The following ZNF727 variants were observed in gnomAD, a reference collection of about 807,000 sequenced individuals.
ZNF727 encodes putative zinc finger protein 727.
In ZNF727, 11 loss-of-function variants were observed where a neutral mutation model predicts 11.5. The observed-to-expected ratio is 0.95, with a 90% CI of 0.60 to 1.58. The LOEUF is 1.58. Among genes scored for constraint, ZNF727 ranks in the 40% most tolerant of loss-of-function variants. The pLI, the probability that ZNF727 is intolerant of heterozygous loss-of-function variation, is 0.00. For synonymous variants in ZNF727, 171 were observed against 196.1 expected (o/e 0.87, Z 1.07); for missense variants, 533 against 581.7 (o/e 0.92, Z 0.86).
At chr7:64,051,770 A>G (rs1172942528) in intron 1 of ZNF727, among the ~76,000 whole-genome samples, 1 of 152,202 alleles carries the variant, frequency 6.6e-6, no homozygotes, top group African/African-American at 2.4e-5. Context: ...AAGTTAAAGT[A>G]TGTATTGTAA....
intron 1 of ZNF727, among the ~76,000 whole-genome samples, chr7:64,064,972 G>C (rs1461524775): frequency 6.6e-6 from 1 of 152,160 alleles, no homozygotes; most frequent in African/African-American, 2.4e-5. Flanking sequence ...ACCCTCTTCA[G>C]TGCCTCTTTC....
In ZNF727 at chr7:64,080,535, C is replaced by T. The variant is rs1481727145; in HGVS notation, c.*1986C>T. Among the ~76,000 whole-genome samples, 1 of 151,946 alleles carries T rather than the reference C, an allele frequency of 6.6e-6. No individual in the cohort carries two copies. The highest frequency in any genetic ancestry group is 6.6e-5 in the Admixed American group (1 of 15,240). On this transcript the variant is annotated 3_prime_UTR_variant, in exon 4 of 4. Transcript: ENST00000456806. Reference sequence around the variant, plus strand: ...TTTTCTCTAGACTGGCTGTTTTTTCCATCACTTCCTGCAATTATTTTTTTC... The same window carrying T: ...TTTTCTCTAGACTGGCTGTTTTTTCTATCACTTCCTGCAATTATTTTTTTC...
chr7:64,077,939 C>T lies in ZNF727; in HGVS notation c.890C>T (p.Ser297Leu). The T allele has an allele frequency of 6.3e-7, 1 of 1,586,992 alleles. No homozygotes were observed. The highest frequency in any genetic ancestry group is 1.1e-5 in the South Asian group (1 of 87,942). ...TGTCACAAAGCCTTTAGGTGTTGCT[C>T]AGACCTTACTAAACATAAGAGAATT... ...KECHKAFRCC[S>L]DLTKHKRIHT... Residue 297 changes from serine to leucine, a missense_variant, in exon 4 of 4, where the codon TCA becomes TTA. Transcript: ENST00000456806.
At chr7:64,053,737 C>T (rs1416173291) in intron 1 of ZNF727, among the ~76,000 whole-genome samples, 1 of 152,130 alleles carries the variant, frequency 6.6e-6, no homozygotes, top group East Asian at 1.9e-4. Context: ...ATTGTCAGGC[C>T]TCCCCAGCCA....
At position 64,045,488 on chromosome 7, in the gene ZNF727, G is replaced by T; in HGVS notation, c.-134G>T. On this transcript the variant is annotated 5_prime_UTR_variant, in exon 1 of 4. Coordinates refer to ENST00000456806, the MANE Select transcript of ZNF727 (RefSeq NM_001159522.3). ...TCCTAGCTTCTAGGCTCTGAGTCCA[G>T]TACCCGTCTGTACTATTCCATCTCT... 1 of 1,250,614 alleles carries T rather than the reference G, an allele frequency of 8.0e-7. No individual in the cohort carries two copies. The allele number at this position is 1,250,614 out of a possible 1,614,324, so 77.5% of individuals were successfully genotyped here. A position where few individuals can be genotyped will look rare whatever the true frequency, so the allele number is the denominator to read the frequency against.
At chr7:64,063,220 T>C (rs188115820) in intron 1 of ZNF727, among the ~76,000 whole-genome samples, 221 of 152,222 alleles carry the variant, frequency 1.5e-3, no homozygotes, top group African/African-American at 4.5e-3. Context: ...TTATTTTAGT[T>C]TTTGCATTCT....
chr7:64,055,559 C>T (rs1789671529), intron 1 of ZNF727, among the ~76,000 whole-genome samples: 1 of 152,154 alleles, frequency 6.6e-6, no homozygotes, highest in Non-Finnish European at 1.5e-5. Context: ...CTTATAACCA[C>T]CATTCTACTT....
In ZNF727 at chr7:64,079,585, A is replaced by G. The variant is rs1408344037; in HGVS notation, c.*1036A>G. ...GAGCTTATTTGAAATGGGTATCTCA[A>G]TTACAGCATACCATTAGATCTTGGT... On this transcript the variant is annotated 3_prime_UTR_variant, in exon 4 of 4. Transcript: ENST00000456806. Among the ~76,000 whole-genome samples, 3 of 152,148 alleles carry G rather than the reference A, an allele frequency of 2.0e-5. No homozygotes were observed. The highest frequency in any genetic ancestry group is 2.1e-4 in the South Asian group (1 of 4,826).
At chr7:64,068,125 T>C (rs1346074882) in intron 1 of ZNF727, among the ~76,000 whole-genome samples, 2 of 152,108 alleles carry the variant, frequency 1.3e-5, no homozygotes, top group Admixed American at 1.3e-4. Context: ...TTTAATATAG[T>C]TGATCTTCAT....
chr7:64,069,140 G>A (rs1475301804), intron 2 of ZNF727, 123 bp downstream of exon 2: 1 of 1,107,448 alleles, frequency 9.0e-7, no homozygotes, highest in Non-Finnish European at 1.2e-6. Flanking sequence ...GAAAAAATTG[G>A]GTATCTGTTT....
intron 1 of ZNF727, among the ~76,000 whole-genome samples, chr7:64,063,404 G>T (rs1391829169): frequency 6.6e-6 from 1 of 152,124 alleles, no homozygotes; most frequent in Non-Finnish European, 1.5e-5. Flanking sequence ...GTGGTCATAG[G>T]TAAGATCCAA....
In ZNF727 at chr7:64,050,796, G is replaced by A. The variant is rs1478105657; in HGVS notation, c.3+5172G>A. ...TATGTATGTGTGTGTGTGTGTGTGT[G>A]TGTGTGTGTGTGTGTGTATGTATGT... On this transcript the variant is annotated intron_variant, in intron 1 of 3. Coordinates refer to ENST00000456806, the MANE Select transcript of ZNF727 (RefSeq NM_001159522.3). Among the ~76,000 whole-genome samples, 140 of 151,904 alleles carry A rather than the reference G, an allele frequency of 9.2e-4. 1 individual carries two copies. The highest frequency in any genetic ancestry group is 3.1e-3 in the African/African-American group (129 of 41,386).
At position 64,085,152 on chromosome 7, in the gene ZNF727, T is replaced by C. The variant is rs1403727458; in HGVS notation, c.*6603T>C. ...GATTATGAAAGTGACTGATAAAATTTAATGGTGTTCATAAAATAATTTTCA... is the reference window on the plus strand; with the variant it reads ...GATTATGAAAGTGACTGATAAAATTCAATGGTGTTCATAAAATAATTTTCA... On this transcript the variant is annotated 3_prime_UTR_variant, in exon 4 of 4. Transcript: ENST00000456806. 6.6e-6 allele frequency among the ~76,000 whole-genome samples: 1 copy of C among 152,214 alleles called. No individual in the cohort carries two copies. Among genetic ancestry groups the C allele is most frequent in the Non-Finnish European group, 1.5e-5 (1 of 68,022 alleles).
chr7:64,050,776 ATGTGTGTGTG>A lies in ZNF727; in HGVS notation c.3+5180_3+5189del, dbSNP rs10609208. Among the ~76,000 whole-genome samples, 453 of 148,464 alleles carry A rather than the reference ATGTGTGTGTG, an allele frequency of 3.1e-3. 5 individuals carry two copies. Among genetic ancestry groups the A allele is most frequent in the Non-Finnish European group, 3.2e-3 (214 of 66,546 alleles). ...TATGTGTGTGTATGTATGCATATGTATGTGTGTGTGTGTGTGTGTGTGTGTGTGTGTGTGT... is the reference window on the plus strand; with the variant it reads ...TATGTGTGTGTATGTATGCATATGTATGTGTGTGTGTGTGTGTGTGTGTGT... On this transcript the variant is annotated intron_variant, in intron 1 of 3. Coordinates refer to ENST00000456806, the MANE Select transcript of ZNF727 (RefSeq NM_001159522.3).
In ZNF727 at chr7:64,078,447, C is replaced by A. The variant is rs1372484228; in HGVS notation, c.1398C>A (p.Ser466Arg). 1.3e-6 allele frequency: 2 copies of A among 1,578,838 alleles called. No homozygotes were observed. Among genetic ancestry groups the A allele is most frequent in the Admixed American group, 1.8e-5 (1 of 54,450 alleles). The change falls in exon 4 of 4, where the codon AGC becomes AGA. Residue 466 changes from serine (S) to arginine (R), a missense_variant. By Grantham distance (110) the Ser-to-Arg change is moderately radical. This residue lies in a region of ZNF727 where 54 missense variants were observed against 48.6 expected (regional missense o/e 1.11). Coordinates refer to ENST00000456806, the MANE Select transcript of ZNF727 (RefSeq NM_001159522.3). ...GCAAAACCTTTACCTGCTCCTCAAGCCTTATTAAACACAAGAGAAGTCATA... is the reference window on the plus strand; with the variant it reads ...GCAAAACCTTTACCTGCTCCTCAAGACTTATTAAACACAAGAGAAGTCATA... The part of the protein sequence containing the change: ...ECGKTFTCSS[S>R]LIKHKRSHTG...
At chr7:64,076,668 G>A (rs2116327113) in intron 3 of ZNF727, among the ~76,000 whole-genome samples, 1 of 152,316 alleles carries the variant, frequency 6.6e-6, no homozygotes, top group Middle Eastern at 3.4e-3. Flanking sequence ...TACTTGAGAA[G>A]AATGTGTGTT....
rs1785724621 is a variant in ZNF727 at position 64,078,372 on chromosome 7, T to C, written c.1323T>C (p.Asn441=). The part of the protein sequence containing the change: ...KTFKWFPDLT[N]HKRIHTGEKP... ...TTAAGTGGTTCCCAGACCTGACTAA[T>C]CATAAGAGAATTCACACTGGAGAGA... Residue 441 remains asparagine (N), a synonymous_variant, in exon 4 of 4, where the codon AAT becomes AAC. Coordinates refer to ENST00000456806, the MANE Select transcript of ZNF727 (RefSeq NM_001159522.3). 1.3e-6 allele frequency: 2 copies of C among 1,584,330 alleles called. No homozygotes were observed. Among genetic ancestry groups the C allele is most frequent in the Non-Finnish European group, 1.7e-6 (2 of 1,165,572 alleles).
rs1274443657 is a variant in ZNF727, at chr7:64,081,749, A to G, written c.*3200A>G. ...TGATTTGCAAGACCATCCTGCAGAA[A>G]TTAGGTCCAACAGTTCCCCTAGGGC... On this transcript the variant is annotated 3_prime_UTR_variant, in exon 4 of 4. Coordinates refer to ENST00000456806, the MANE Select transcript of ZNF727 (RefSeq NM_001159522.3). Among the ~76,000 whole-genome samples the G allele has an allele frequency of 6.6e-6, 1 of 152,166 alleles. No individual in the cohort carries two copies. The highest frequency in any genetic ancestry group is 2.4e-5 in the African/African-American group (1 of 41,454).
In ZNF727 at chr7:64,077,695, A is replaced by G. The variant is rs566843568; in HGVS notation, c.646A>G (p.Thr216Ala). 3 of 1,571,300 alleles carry G rather than the reference A, an allele frequency of 1.9e-6. No individual in the cohort carries two copies. The highest frequency in any genetic ancestry group is 8.6e-7 in the Non-Finnish European group (1 of 1,157,940). ...AGCCTGTAAAAAGTTCTCAAACCTT[A>G]CTGAACATAATAGAGTTCATACTGG... is the stretch of plus-strand genomic sequence containing the variant. Reference protein sequence around the residue: ...GKACKKFSNLTEHNRVHTGKK... With the variant: ...GKACKKFSNLAEHNRVHTGKK... Residue 216 changes from threonine to alanine, a missense_variant, in exon 4 of 4, where the codon ACT (threonine) becomes GCT (alanine). By Grantham distance (58) the Thr-to-Ala change is moderately conservative. This residue lies in a region of ZNF727 where 463 missense variants were observed against 494.5 expected (regional missense o/e 0.94). Coordinates refer to ENST00000456806, the MANE Select transcript of ZNF727 (RefSeq NM_001159522.3).
Sources: gnomAD v4.1 joint callset for allele counts (sites outside exome capture counted in the v4.1 genomes callset) on GRCh38, gnomAD v4.1.1 for gene constraint, gnomAD v4.1.1 regional missense constraint, MANE v1.5 for transcripts, NCBI Gene and HGNC (gene_info 2026-07-23, HGNC 2026-07-21) for gene names.